Variants in ADAMTSL3 observed in about 807,000 individuals in gnomAD.
ADAMTSL3 encodes the protein ADAMTS-like protein 3.
In ADAMTSL3, 128 loss-of-function variants were observed where a neutral mutation model predicts 201.7. The observed-to-expected ratio is 0.63, with a 90% CI of 0.55 to 0.73. The LOEUF (loss-of-function observed/expected upper bound fraction) is 0.73. Ranked by LOEUF, ADAMTSL3 falls within the 30% of genes least tolerant of loss-of-function variation. The probability of loss-of-function intolerance (pLI) is 0.00; values close to 1 mark genes in which losing one functional copy is unlikely to be tolerated. For synonymous variants in ADAMTSL3, 738 were observed against 748.4 expected, an observed-to-expected ratio of 0.99 and a Z score of 0.23; for missense variants, 1,990 against 2,119.6, an observed-to-expected ratio of 0.94 and a Z score of 1.20.
At chr15:83,659,898 A>G (rs2061139561) in intron 2 of ADAMTSL3, among the ~76,000 whole-genome samples, 1 of 152,202 alleles carries the variant, frequency 6.6e-6, no homozygotes, top group African/African-American at 2.4e-5. Context: ...TTTCTGCTCA[A>G]GTCTTCAGAT....
At position 83,875,427 on chromosome 15, in the gene ADAMTSL3, G is replaced by T. The variant is rs556645930; in HGVS notation, c.960+4468G>T. Among the ~76,000 whole-genome samples the T allele has an allele frequency of 5.0e-4, 76 of 152,320 alleles. 1 individual carries two copies. The highest frequency in any genetic ancestry group is 3.4e-3 in the Middle Eastern group (1 of 294). On this transcript the variant is annotated intron_variant, in intron 9 of 29. Coordinates refer to ENST00000286744, the MANE Select transcript of ADAMTSL3 (RefSeq NM_207517.3). ...TTGGCCAGTGACACCCTTTGCAGTT[G>T]TGTATCTGAGCAGAACACTCATGGG...
chr15:83,869,418 A>G (rs530416112), intron 8 of ADAMTSL3, among the ~76,000 whole-genome samples: 2 of 152,204 alleles, frequency 1.3e-5, no homozygotes, highest in Non-Finnish European at 2.9e-5. Context: ...GGGGTTTTGT[A>G]TGCCTGCAAG....
chr15:83,667,141 T>C (rs1595992310), intron 2 of ADAMTSL3, among the ~76,000 whole-genome samples: 1 of 152,266 alleles, frequency 6.6e-6, no homozygotes, highest in East Asian at 1.9e-4. Flanking sequence ...TATATGGATA[T>C]CTATATTATC....
At chr15:83,743,260 T>C (rs1004181648) in intron 3 of ADAMTSL3, among the ~76,000 whole-genome samples, 1 of 152,184 alleles carries the variant, frequency 6.6e-6, no homozygotes, top group Non-Finnish European at 1.5e-5. Flanking sequence ...AAAGTGTGCT[T>C]TCCAGCACTT....
chr15:83,821,192 T>TG (rs1477975842), intron 6 of ADAMTSL3, among the ~76,000 whole-genome samples: 1 of 152,022 alleles, frequency 6.6e-6, no homozygotes, highest in Non-Finnish European at 1.5e-5. Flanking sequence ...TTTTTCCAAA[T>TG]GTGAGCAGAG....
At chr15:83,999,527 G>GC (rs2067750863) in intron 23 of ADAMTSL3, among the ~76,000 whole-genome samples, 1 of 152,104 alleles carries the variant, frequency 6.6e-6, no homozygotes, top group Admixed American at 6.6e-5. Context: ...AACCCTACCC[G>GC]CCCCCTGTCA....
At chr15:83,998,651 T>A (rs2067733851) in intron 23 of ADAMTSL3, among the ~76,000 whole-genome samples, 1 of 152,162 alleles carries the variant, frequency 6.6e-6, no homozygotes, top group Non-Finnish European at 1.5e-5. Context: ...CAGGTCTTGT[T>A]CATGTCCTCA....
intron 7 of ADAMTSL3, among the ~76,000 whole-genome samples, chr15:83,843,088 T>C (rs569976853): frequency 6.6e-6 from 1 of 152,318 alleles, no homozygotes; most frequent in East Asian, 1.9e-4. Context: ...GGATTACATA[T>C]GCTTTTGAGA....
intron 2 of ADAMTSL3, among the ~76,000 whole-genome samples, chr15:83,680,781 AT>A (rs1284707606): frequency 6.6e-6 from 1 of 151,524 alleles, no homozygotes; most frequent in Admixed American, 6.6e-5. Flanking sequence ...TCCTTTCATT[AT>A]TTTTTTATAC....
At chr15:83,862,216 C>T (rs546591744) in intron 8 of ADAMTSL3, 2 of 152,196 alleles carry the variant, frequency 1.3e-5, no homozygotes, top group Non-Finnish European at 2.9e-5. Flanking sequence ...TCCAGGTGAA[C>T]TTCCCCAATC....
intron 3 of ADAMTSL3, among the ~76,000 whole-genome samples, chr15:83,737,633 A>G (rs1396740349): frequency 1.3e-5 from 2 of 152,212 alleles, no homozygotes; most frequent in African/African-American, 4.8e-5. Flanking sequence ...GCAGTTCTTT[A>G]TAGCAGTGTG....
Position 83,982,913 on chromosome 15 carries a change from G to A in ADAMTSL3, c.3285G>A (p.Gln1095=). Residue 1095 remains glutamine (Q), a synonymous_variant, in exon 21 of 30, where the codon CAG becomes CAA. Coordinates refer to ENST00000286744, the MANE Select transcript of ADAMTSL3 (RefSeq NM_207517.3). ...GAGCATATAGCATGGATACAGCCCA[G>A]TTTGATGAGCTGATAAGAAACATGA... ...KQGAYSMDTA[Q]FDELIRNMSQ... 6.2e-7 allele frequency: 1 copy of A among 1,614,084 alleles called. No homozygotes were observed. The highest frequency in any genetic ancestry group is 8.5e-7 in the Non-Finnish European group (1 of 1,180,030).
intron 3 of ADAMTSL3, among the ~76,000 whole-genome samples, chr15:83,750,942 T>A (rs1050070564): frequency 6.6e-6 from 1 of 152,218 alleles, no homozygotes; most frequent in Non-Finnish European, 1.5e-5. Context: ...CATTTGTTCG[T>A]CCATTAACTA....
rs1335987543 is a variant in ADAMTSL3, at chr15:83,913,098, T to A, written c.1707T>A (p.Ile569=). 2 of 1,613,704 alleles carry A rather than the reference T, an allele frequency of 1.2e-6. No individual in the cohort carries two copies. Among genetic ancestry groups the A allele is most frequent in the African/African-American group, 2.7e-5 (2 of 74,910 alleles). ...GCTTCCTGGTTTTCCCTAGGTTCAT[T>A]CCAGAACCCTGGTCAGCCTGCAGTA... ...TRIATEEPTF[I]PEPWSACSTT... is the part of the protein sequence containing the mutation. The change falls in exon 16 of 30, where the codon ATT becomes ATA. Residue 569 remains isoleucine (I), a synonymous_variant. Transcript: ENST00000286744.
At position 83,870,802 on chromosome 15, in the gene ADAMTSL3, T is replaced by A; in HGVS notation, c.803T>A (p.Phe268Tyr). The change falls in exon 9 of 30, where the codon TTT becomes TAT. Residue 268 changes from phenylalanine (F) to tyrosine (Y), a missense_variant and splice_region_variant. Transcript: ENST00000286744. ...RITVKGPAHL[F>Y]IESKTLQGSK... ...TTTGAATCATATATTTTAATTTTAG[T>A]TATTGAATCAAAAACACTTCAAGGA... The A allele has an allele frequency of 1.9e-6, 3 of 1,568,412 alleles. No homozygotes were observed. Among genetic ancestry groups the A allele is most frequent in the Non-Finnish European group, 2.6e-6 (3 of 1,162,706 alleles).
At chr15:83,915,164 G>C (rs1031125297) in intron 16 of ADAMTSL3, among the ~76,000 whole-genome samples, 1 of 152,198 alleles carries the variant, frequency 6.6e-6, no homozygotes, top group Non-Finnish European at 1.5e-5. Flanking sequence ...AGCAAGCCCA[G>C]CTGTTGCTTG....
chr15:83,655,872 C>T (rs369829854), intron 2 of ADAMTSL3, 42 bp downstream of exon 2: 5 of 1,582,288 alleles, frequency 3.2e-6, no homozygotes, highest in Middle Eastern at 1.7e-4. Context: ...GTGGACATCC[C>T]TCTGTTTACT....
In ADAMTSL3 at chr15:83,955,616, T is replaced by C. The variant is rs539688095; in HGVS notation, c.2490+12534T>C. Among the ~76,000 whole-genome samples, 7 of 152,184 alleles carry C rather than the reference T, an allele frequency of 4.6e-5. No individual in the cohort carries two copies. In the South Asian group the frequency reaches 1.5e-3, roughly 32 times the overall value. Reference sequence around the variant, plus strand: ...TGGTTATTCAGGGCCCAAGGGCTCTTTAGTTAGCAGATAATTAATGCTGCC... The same window carrying C: ...TGGTTATTCAGGGCCCAAGGGCTCTCTAGTTAGCAGATAATTAATGCTGCC... On this transcript the variant is annotated intron_variant, in intron 19 of 29. Transcript: ENST00000286744.
At chr15:83,925,714 C>T (rs1358743894) in intron 17 of ADAMTSL3, among the ~76,000 whole-genome samples, 1 of 152,188 alleles carries the variant, frequency 6.6e-6, no homozygotes, top group African/African-American at 2.4e-5. Flanking sequence ...AGAGAAATAG[C>T]ACTTGTGTAA....
Sources: allele counts gnomAD v4.1 joint callset (sites outside exome capture counted in the v4.1 genomes callset), GRCh38; gene constraint gnomAD v4.1.1; transcripts MANE v1.5; gene names NCBI Gene and HGNC (gene_info 2026-07-23, HGNC 2026-07-21).